The following ANOS1 variants were observed in gnomAD, a reference collection of about 807,000 sequenced individuals.
ANOS1 encodes the protein anosmin-1.
Under a neutral mutation model 59.0 loss-of-function variants are expected in ANOS1, and 6 were observed. The observed-to-expected ratio is 0.10, with a 90% CI of 0.06 to 0.20. The LOEUF (loss-of-function observed/expected upper bound fraction) is 0.20, where lower values mean the gene tolerates loss of function less well. Among genes scored for constraint, ANOS1 ranks in the 10% least tolerant of loss-of-function variants. The probability of loss-of-function intolerance (pLI) is 1.00; values close to 1 mark genes in which losing one functional copy is unlikely to be tolerated. For synonymous variants in ANOS1, 217 were observed against 223.4 expected (o/e 0.97, Z 0.25); for missense variants, 433 against 542.3 (o/e 0.80, Z 2.00).
chrX:8,550,276 T>C (rs1285588410), intron 9 of ANOS1, among the ~76,000 whole-genome samples: 1 of 111,495 alleles, frequency 9.0e-6, no homozygotes, highest in Non-Finnish European at 1.9e-5. Context: ...ACAAATACCT[T>C]GGAAAAATCA....
At chrX:8,686,935 C>T (rs1932531887) in intron 2 of ANOS1, among the ~76,000 whole-genome samples, 1 of 111,524 alleles carries the variant, frequency 9.0e-6, no homozygotes, top group African/African-American at 3.3e-5. Context: ...CCCTGGGAGA[C>T]AGAGCCAGAC....
chrX:8,713,952 A>G (rs957907290), intron 1 of ANOS1, among the ~76,000 whole-genome samples: 1 of 111,794 alleles, frequency 8.9e-6, no homozygotes, highest in Non-Finnish European at 1.9e-5. Context: ...GTCCCAAATA[A>G]ATGACTGAGA....
chrX:8,641,653 G>A (rs187308502), intron 2 of ANOS1, among the ~76,000 whole-genome samples: 99 of 111,969 alleles, frequency 8.8e-4, no homozygotes, highest in African/African-American at 2.6e-3. Flanking sequence ...TTCTTAAAGC[G>A]CATGGGAATA....
intron 3 of ANOS1, among the ~76,000 whole-genome samples, chrX:8,614,212 A>G (rs1406158079): frequency 8.9e-6 from 1 of 111,742 alleles, no homozygotes. Flanking sequence ...CACTCCTGAC[A>G]GCATTCATTT....
At chrX:8,699,868 C>T in intron 1 of ANOS1, 123 bp from the exon 2 acceptor site, 1 of 443,567 alleles carries the variant, frequency 2.3e-6, no homozygotes, top group Non-Finnish European at 3.8e-6. Context: ...AATACCCAAT[C>T]TTGCAAAACC....
chrX:8,703,882 A>G (rs1173651506), intron 1 of ANOS1, among the ~76,000 whole-genome samples: 1 of 111,864 alleles, frequency 8.9e-6, no homozygotes, highest in African/African-American at 3.2e-5. Flanking sequence ...AAAGGATTAG[A>G]GTCCTGAGAA....
At position 8,539,672 on chromosome X, in the gene ANOS1, T is replaced by C. The variant is rs1297725914; in HGVS notation, c.1441A>G (p.Met481Val). 1 of 1,211,650 alleles carries C rather than the reference T, an allele frequency of 8.3e-7. No homozygotes were observed. Among genetic ancestry groups the C allele is most frequent in the Non-Finnish European group, 1.1e-6 (1 of 895,496 alleles). The change falls in exon 10 of 14, where the codon ATG becomes GTG. Residue 481 changes from methionine to valine, a missense_variant. Met to Val is a conservative substitution (Grantham distance 21, BLOSUM62 1). Coordinates refer to ENST00000262648, the MANE Select transcript of ANOS1 (RefSeq NM_000216.4). The part of the protein sequence containing the change: ...RTTGSEASSG[M>V]THENYIILQD... ...AGAGATCATGTCCTTACGTGGGTCA[T>C]GCCAGATGATGCCTCTGATCCGGTT...
At chrX:8,707,996 C>T (rs1429292551) in intron 1 of ANOS1, among the ~76,000 whole-genome samples, 2 of 112,199 alleles carry the variant, frequency 1.8e-5, no homozygotes, top group Non-Finnish European at 3.8e-5. Flanking sequence ...GAGGCTGAGG[C>T]GGGTGGACCA....
chrX:8,689,775 C>CA (rs1226656927), intron 2 of ANOS1, among the ~76,000 whole-genome samples: 1,179 of 80,627 alleles, frequency 0.015, 7 homozygotes, highest in African/African-American at 0.035. Context: ...AAAAAAAAAA[C>CA]AAAAAAAAAA....
chrX:8,670,503 C>T (rs1210892724), intron 2 of ANOS1, among the ~76,000 whole-genome samples: 1 of 110,785 alleles, frequency 9.0e-6, no homozygotes, highest in Admixed American at 9.7e-5. Flanking sequence ...TGCCAGTCCT[C>T]ATCTCTCCAA....
At chrX:8,607,577 A>G (rs1930964095) in intron 3 of ANOS1, among the ~76,000 whole-genome samples, 1 of 111,860 alleles carries the variant, frequency 8.9e-6, no homozygotes, top group Non-Finnish European at 1.9e-5. Flanking sequence ...CTGGAAGATC[A>G]TGAGGCACAT....
intron 3 of ANOS1, among the ~76,000 whole-genome samples, chrX:8,602,574 A>G (rs1006518879): frequency 6.3e-5 from 7 of 111,658 alleles, no homozygotes; most frequent in African/African-American, 2.3e-4. Context: ...AACACGTGTG[A>G]CAACATAGAT....
chrX:8,670,348 A>C (rs1192072339), intron 2 of ANOS1, among the ~76,000 whole-genome samples: 1 of 111,445 alleles, frequency 9.0e-6, no homozygotes, highest in Non-Finnish European at 1.9e-5. Context: ...GGAGAAGAAA[A>C]GGGCAGGGAG....
intron 6 of ANOS1, among the ~76,000 whole-genome samples, chrX:8,578,303 T>C (rs773001431): frequency 6.5e-4 from 62 of 95,360 alleles, no homozygotes; most frequent in Non-Finnish European, 1.0e-3. Context: ...GTTGGGGTAG[T>C]GTTCCTTCTC....
intron 8 of ANOS1, among the ~76,000 whole-genome samples, chrX:8,566,388 C>T (rs904645376): frequency 7.3e-5 from 8 of 110,125 alleles, no homozygotes; most frequent in African/African-American, 1.3e-4. Flanking sequence ...TAGTTATGTG[C>T]GTGTTTGTGT....
chrX:8,529,437 C>T lies in ANOS1; in HGVS notation c.*3558G>A. 1 of 112,004 alleles carries T rather than the reference C, an allele frequency of 8.9e-6. No homozygotes were observed. 9.2% of individuals were successfully genotyped at this position (112,004 alleles called of 1,213,427 possible). A position where few individuals can be genotyped will look rare whatever the true frequency, so the allele number is the denominator to read the frequency against. ...ATATAATAAGTTTTAGAGTTATTTG[C>T]AACCATAGAAATGAGTAAACTTGAA... On this transcript the variant is annotated 3_prime_UTR_variant, in exon 14 of 14. Transcript: ENST00000262648.
Position 8,713,065 on chromosome X carries a change from T to A in ANOS1, c.208-13320A>T, listed in dbSNP as rs562667826. On this transcript the variant is annotated intron_variant, in intron 1 of 13. Transcript: ENST00000262648. ...CTCTTCATCTGTCAACAAGGTGGAA[T>A]CAAAACTCATGTTTCAAAAGACATG... Among the ~76,000 whole-genome samples, 10 of 110,953 alleles carry A rather than the reference T, an allele frequency of 9.0e-5. No homozygotes were observed. In the Admixed American group the frequency reaches 9.7e-4, roughly 11 times the overall value.
intron 8 of ANOS1, among the ~76,000 whole-genome samples, chrX:8,558,175 G>A (rs1929977642): frequency 9.1e-6 from 1 of 109,350 alleles, no homozygotes. Flanking sequence ...CCTGTTGGGG[G>A]TGGGGGGCAA....
At chrX:8,611,603 A>C (rs1931059788) in intron 3 of ANOS1, among the ~76,000 whole-genome samples, 1 of 111,568 alleles carries the variant, frequency 9.0e-6, no homozygotes, top group African/African-American at 3.2e-5. Flanking sequence ...GAAAAATTAA[A>C]AGATACTTTA....
Sources: gnomAD v4.1 joint callset for allele counts (sites outside exome capture counted in the v4.1 genomes callset) on GRCh38, gnomAD v4.1.1 for gene constraint, MANE v1.5 for transcripts, NCBI Gene and HGNC (gene_info 2026-07-23, HGNC 2026-07-21) for gene names.